Variants in LNX2 observed in about 807,000 individuals in gnomAD.
LNX2 encodes the protein ligand of Numb protein X 2.
LNX2 carries 35 observed loss-of-function variants against 66.2 expected under a neutral mutation model. The ratio of observed to expected loss-of-function variants is 0.53; its 90% CI spans 0.40 to 0.70. LNX2 has a LOEUF of 0.70. LNX2 is among the 30% of genes least tolerant of loss of function. LNX2 has a pLI of 0.00. For missense variants in LNX2, 791 were observed against 850.8 expected, an observed-to-expected ratio of 0.93 and a Z score of 0.87; for synonymous variants, 337 against 315.6, an observed-to-expected ratio of 1.07 and a Z score of -0.72.
At chr13:27,568,252 G>A (rs9507911) in intron 3 of LNX2, among the ~76,000 whole-genome samples, 82,713 of 152,032 alleles carry the variant, frequency 0.54, 22,703 homozygotes, top group Middle Eastern at 0.64. Flanking sequence ...CATCAAGCTC[G>A]TAAGAAGAGG....
chr13:27,559,813 G>A (rs1316436243), intron 6 of LNX2, 29 bp downstream of exon 6: 10 of 1,486,584 alleles, frequency 6.7e-6, no homozygotes, highest in Non-Finnish European at 8.1e-6. Context: ...TCCTTTGATG[G>A]TGGCATAAAA....
intron 1 of LNX2, among the ~76,000 whole-genome samples, chr13:27,592,373 G>A (rs1025853974): frequency 3.9e-5 from 6 of 152,162 alleles, no homozygotes; most frequent in African/African-American, 1.4e-4. Flanking sequence ...AGTCAAGGAT[G>A]ACACCAAGAT....
Position 27,581,809 on chromosome 13 carries a change from T to C in LNX2, c.-100-6A>G, listed in dbSNP as rs1294559199. 1.2e-5 allele frequency: 10 copies of C among 854,648 alleles called. No homozygotes were observed. The highest frequency in any genetic ancestry group is 1.8e-5 in the Non-Finnish European group (10 of 563,344). The allele number at this position is 854,648 out of a possible 1,614,324, so 52.9% of individuals were successfully genotyped here. On this transcript the variant is annotated splice_polypyrimidine_tract_variant and splice_region_variant and intron_variant, in intron 1 of 9. Transcript: ENST00000316334. ...TAAAGTCAAGGTGTGTTTTTCTAGA[T>C]AAGCAAAACAAACACATTAAAAAAG...
chr13:27,565,355 C>T (rs768950504), intron 4 of LNX2, among the ~76,000 whole-genome samples: 1 of 152,186 alleles, frequency 6.6e-6, no homozygotes, highest in Non-Finnish European at 1.5e-5. Context: ...TGTACACTTA[C>T]ATTTCAGCTA....
rs1429913261 is a variant in LNX2 at position 27,567,579 on chromosome 13, G to A, written c.855+61C>T. ...GTTCCAAAACAGCACAATTTTCTAAGGTTTAAGTGTTAAGAATGGAACAAA... is the reference window on the plus strand; with the variant it reads ...GTTCCAAAACAGCACAATTTTCTAAAGTTTAAGTGTTAAGAATGGAACAAA... On this transcript the variant is annotated intron_variant, in intron 4 of 9. Transcript: ENST00000316334. The A allele has an allele frequency of 2.8e-6, 4 of 1,422,198 alleles. No homozygotes were observed. In the African/African-American group the frequency reaches 5.6e-5, roughly 20 times the overall value. The allele number at this position is 1,422,198 out of a possible 1,614,324, so 88.1% of individuals were successfully genotyped here.
At chr13:27,574,489 A>T (rs1275511909) in intron 2 of LNX2, among the ~76,000 whole-genome samples, 1 of 152,112 alleles carries the variant, frequency 6.6e-6, no homozygotes, top group Non-Finnish European at 1.5e-5. Context: ...GCAAACTTGC[A>T]GATAGGTTTA....
chr13:27,551,502 A>T (rs73163588), intron 8 of LNX2, among the ~76,000 whole-genome samples: 10,356 of 152,006 alleles, frequency 0.068, 392 homozygotes, highest in South Asian at 0.14. Context: ...CCTAAATGAT[A>T]AGGAAAAAAA....
In LNX2 at chr13:27,569,233, T is replaced by G; in HGVS notation, c.451A>C (p.Lys151Gln). 1.9e-6 allele frequency: 3 copies of G among 1,613,548 alleles called. No individual in the cohort carries two copies. Among genetic ancestry groups the G allele is most frequent in the Non-Finnish European group, 2.5e-6 (3 of 1,179,722 alleles). ...ATCTCTGCTTGAGTTCTACTAGTTTTCCTTCTCTCCAGGGCAACTCTCCGA... is the reference window on the plus strand; with the variant it reads ...ATCTCTGCTTGAGTTCTACTAGTTTGCCTTCTCTCCAGGGCAACTCTCCGA... Reference protein sequence around the residue: ...SHRRVALERRKTSRTQAEIEN... With the variant: ...SHRRVALERRQTSRTQAEIEN... The change falls in exon 3 of 10, where the codon AAA becomes CAA. Residue 151 changes from lysine to glutamine, a missense_variant. Physicochemically the swap from Lys to Gln is moderately conservative, Grantham distance 53 (BLOSUM62 1). Transcript: ENST00000316334.
intron 2 of LNX2, among the ~76,000 whole-genome samples, chr13:27,579,504 C>T (rs1198374917): frequency 6.6e-6 from 1 of 152,046 alleles, no homozygotes; most frequent in Non-Finnish European, 1.5e-5. Context: ...AAGCCTTTAC[C>T]AACATGTAAA....
At position 27,546,098 on chromosome 13, in the gene LNX2, C is replaced by T. The variant is rs1315425530; in HGVS notation, c.*2237G>A. 1.3e-5 allele frequency: 2 copies of T among 152,154 alleles called. No individual in the cohort carries two copies. Among genetic ancestry groups the T allele is most frequent in the Non-Finnish European group, 2.9e-5 (2 of 68,024 alleles). 9.4% of individuals were successfully genotyped at this position (152,154 alleles called of 1,614,324 possible). ...ATAAATTATGAACAAGTTTCCGTCA[C>T]CAAATATCACTCTGACCAAAAATGA... On this transcript the variant is annotated 3_prime_UTR_variant, in exon 10 of 10. Transcript: ENST00000316334.
intron 1 of LNX2, among the ~76,000 whole-genome samples, chr13:27,587,823 C>T (rs1312037204): frequency 5.3e-5 from 8 of 151,986 alleles, no homozygotes; most frequent in African/African-American, 1.9e-4. Flanking sequence ...AGATCAAGAC[C>T]ATCCTGGCTA....
rs372436169 is a variant in LNX2 at position 27,567,672 on chromosome 13, C to T, written c.823G>A (p.Gly275Arg). 6.8e-6 allele frequency: 11 copies of T among 1,613,860 alleles called. No individual in the cohort carries two copies. In the East Asian group the frequency reaches 8.9e-5, roughly 13 times the overall value. The change falls in exon 4 of 10, where the codon GGG (glycine) becomes AGG (arginine). Residue 275 changes from glycine (G) to arginine (R), a missense_variant. Gly to Arg is a moderately radical substitution (Grantham distance 125). Transcript: ENST00000316334. ...ATCTGGTCTCCAGCAAGAAGTCTCC[C>T]GTCTCTGGCAATGACCCCATCCCGA... ...VYRDGVIARD[G>R]RLLAGDQILQ...
At chr13:27,594,133 ATTTTC>A (rs942795423) in intron 1 of LNX2, among the ~76,000 whole-genome samples, 1 of 152,042 alleles carries the variant, frequency 6.6e-6, no homozygotes, top group African/African-American at 2.4e-5. Context: ...AGCCTAGTCA[ATTTTC>A]TTTTAATATT....
chr13:27,598,492 G>A (rs1229802330), intron 1 of LNX2, among the ~76,000 whole-genome samples: 1 of 152,092 alleles, frequency 6.6e-6, no homozygotes, highest in African/African-American at 2.4e-5. Flanking sequence ...ATTGGGAGAG[G>A]GAATGATAAT....
chr13:27,549,242 C>CACTT (rs1366042585), intron 9 of LNX2, among the ~76,000 whole-genome samples: 2 of 152,174 alleles, frequency 1.3e-5, no homozygotes, highest in Admixed American at 1.3e-4. Context: ...ATTTAGATGT[C>CACTT]ACTTACTCCT....
intron 3 of LNX2, among the ~76,000 whole-genome samples, chr13:27,568,726 C>T (rs1955236822): frequency 6.6e-6 from 1 of 152,088 alleles, no homozygotes; most frequent in Non-Finnish European, 1.5e-5. Flanking sequence ...AGTTTCTGAA[C>T]ACAGACAGTA....
chr13:27,572,113 G>A (rs996631165), intron 2 of LNX2, among the ~76,000 whole-genome samples: 1 of 152,064 alleles, frequency 6.6e-6, no homozygotes, highest in Non-Finnish European at 1.5e-5. Context: ...TAGGCCTTGG[G>A]AAAATATAAA....
chr13:27,590,939 C>A (rs2138425333), intron 1 of LNX2, among the ~76,000 whole-genome samples: 1 of 152,190 alleles, frequency 6.6e-6, no homozygotes, highest in South Asian at 2.1e-4. Flanking sequence ...ATTTGCTCTA[C>A]TTATAACTTT....
At chr13:27,570,237 T>G (rs1955262460) in intron 2 of LNX2, among the ~76,000 whole-genome samples, 1 of 152,164 alleles carries the variant, frequency 6.6e-6, no homozygotes, top group Non-Finnish European at 1.5e-5. Context: ...ACACATGCTT[T>G]GGTTGTAATT....
Sources: gnomAD v4.1 joint callset for allele counts (sites outside exome capture counted in the v4.1 genomes callset) on GRCh38, gnomAD v4.1.1 for gene constraint, MANE v1.5 for transcripts, NCBI Gene and HGNC (gene_info 2026-07-23, HGNC 2026-07-21) for gene names.